DLGAP1: variants seen among roughly 807,000 people sequenced by gnomAD.
The protein encoded by DLGAP1 is DLG associated protein 1.
DLGAP1 carries 11 observed loss-of-function variants against 90.8 expected under a neutral mutation model. The observed-to-expected ratio is 0.12, with a 90% CI of 0.08 to 0.20. DLGAP1 has a LOEUF of 0.20. Ranked by LOEUF, DLGAP1 falls within the 10% of genes least tolerant of loss-of-function variation. The pLI is 1.00. For synonymous variants in DLGAP1, 558 were observed against 540.7 expected, an observed-to-expected ratio of 1.03 and a Z score of -0.44; for missense variants, 1,050 against 1,333.8, an observed-to-expected ratio of 0.79 and a Z score of 3.31.
chr18:3,651,547 C>T (rs911026541), intron 7 of DLGAP1, among the ~76,000 whole-genome samples: 5 of 152,328 alleles, frequency 3.3e-5, no homozygotes, highest in African/African-American at 1.2e-4. Context: ...AATTCCAGCA[C>T]TTTGGGAGGC....
chr18:4,434,151 C>T (rs907227312), intron 1 of DLGAP1, among the ~76,000 whole-genome samples: 6 of 141,544 alleles, frequency 4.2e-5, no homozygotes, highest in African/African-American at 7.6e-5. Flanking sequence ...TTCCTTACAC[C>T]GAAAATATTG....
At chr18:3,664,212 A>ACC (rs1439393968) in intron 7 of DLGAP1, among the ~76,000 whole-genome samples, 34 of 127,006 alleles carry the variant, frequency 2.7e-4, no homozygotes, top group African/African-American at 1.1e-3. Context: ...ACACACACAC[A>ACC]CACACCCACA....
chr18:3,568,586 A>G (rs969477888), intron 8 of DLGAP1, among the ~76,000 whole-genome samples: 1 of 152,142 alleles, frequency 6.6e-6, no homozygotes, highest in Non-Finnish European at 1.5e-5. Flanking sequence ...ACAGAAATAT[A>G]TAATGTAGAA....
intron 1 of DLGAP1, among the ~76,000 whole-genome samples, chr18:4,179,457 G>T (rs1349411250): frequency 2.6e-5 from 4 of 152,106 alleles, no homozygotes; most frequent in Admixed American, 6.5e-5. Context: ...TAGTCATGAT[G>T]CCTTTTGTTA....
At chr18:3,831,984 G>A (rs1159616105) in intron 4 of DLGAP1, among the ~76,000 whole-genome samples, 1 of 152,148 alleles carries the variant, frequency 6.6e-6, no homozygotes, top group East Asian at 1.9e-4. Context: ...AAGTGACATG[G>A]ATCTATACAA....
Position 3,981,380 on chromosome 18 carries a change from G to A in DLGAP1, c.-73+23736C>T, listed in dbSNP as rs116167492. 3.2e-3 allele frequency among the ~76,000 whole-genome samples: 492 copies of A among 152,356 alleles called. 2 individuals carry two copies. Among genetic ancestry groups the A allele is most frequent in the African/African-American group, 0.011 (470 of 41,596 alleles). ...CTGATGCTGCACTCTTGAGGCTTCC[G>A]TCCTCATCCCGACCCATGAGGATTC... On this transcript the variant is annotated intron_variant, in intron 3 of 12. Transcript: ENST00000315677.
intron 7 of DLGAP1, among the ~76,000 whole-genome samples, chr18:3,694,113 C>T (rs1248759037): frequency 6.6e-6 from 1 of 151,706 alleles, no homozygotes; most frequent in Non-Finnish European, 1.5e-5. Context: ...GTTCAACTCC[C>T]ACTTATGAGT....
At chr18:3,606,494 A>T (rs1015804188) in intron 7 of DLGAP1, 1 of 152,182 alleles carries the variant, frequency 6.6e-6, no homozygotes, top group Non-Finnish European at 1.5e-5. Context: ...ATAAGCCATC[A>T]TATGCATTTG....
At chr18:4,080,622 A>G (rs1006603195) in intron 2 of DLGAP1, among the ~76,000 whole-genome samples, 1 of 152,138 alleles carries the variant, frequency 6.6e-6, no homozygotes, top group African/African-American at 2.4e-5. Context: ...TAAAAGAAAC[A>G]TTTACCATCT....
intron 1 of DLGAP1, among the ~76,000 whole-genome samples, chr18:4,403,519 G>A (rs62087782): frequency 0.029 from 4,420 of 151,984 alleles, 90 homozygotes; most frequent in South Asian, 0.096. Context: ...GCAATATTTC[G>A]CCATGCATGC....
In DLGAP1 at chr18:3,725,450, G is replaced by A. The variant is rs149566230; in HGVS notation, c.1591+3685C>T. ...GGTCTGGGTGTATTTCCAGCATCAA[G>A]TTCTACTGTTACCTGAAATATTTTA... On this transcript the variant is annotated intron_variant, in intron 7 of 12. Transcript: ENST00000315677. 2.7e-3 allele frequency among the ~76,000 whole-genome samples: 407 copies of A among 152,182 alleles called. 1 individual carries two copies. The highest frequency in any genetic ancestry group is 8.4e-3 in the African/African-American group (350 of 41,510).
At chr18:4,360,136 A>T (rs2144090104) in intron 1 of DLGAP1, among the ~76,000 whole-genome samples, 1 of 152,272 alleles carries the variant, frequency 6.6e-6, no homozygotes, top group African/African-American at 2.4e-5. Context: ...TCCACTGGGC[A>T]CCATGGAATT....
At chr18:4,125,888 G>A (rs1272590497) in intron 2 of DLGAP1, among the ~76,000 whole-genome samples, 2 of 152,148 alleles carry the variant, frequency 1.3e-5, no homozygotes, top group Admixed American at 6.5e-5. Context: ...TGGCTGCTAC[G>A]AACATTTCCA....
intron 1 of DLGAP1, among the ~76,000 whole-genome samples, chr18:4,400,516 A>G (rs1196954640): frequency 6.6e-6 from 1 of 152,088 alleles, no homozygotes; most frequent in African/African-American, 2.4e-5. Flanking sequence ...TGTCCCATGT[A>G]TATTTTCACG....
intron 3 of DLGAP1, chr18:3,986,578 A>G (rs1048873631): frequency 3.9e-5 from 6 of 152,116 alleles, no homozygotes; most frequent in Non-Finnish European, 7.4e-5. Context: ...AATGGTCAAT[A>G]TCACCATGAG....
intron 1 of DLGAP1, among the ~76,000 whole-genome samples, chr18:4,257,877 G>A (rs1487186223): frequency 2.6e-5 from 4 of 151,544 alleles, no homozygotes; most frequent in South Asian, 2.1e-4. Flanking sequence ...CATCTGCCTC[G>A]GCTTCCCAAA....
Position 3,562,176 on chromosome 18 carries a change from G to A in DLGAP1, c.2057+5314C>T, listed in dbSNP as rs1252222418. Among the ~76,000 whole-genome samples the A allele has an allele frequency of 5.3e-5, 8 of 152,102 alleles. No homozygotes were observed. In the South Asian group the frequency reaches 8.3e-4, roughly 16 times the overall value. ...CAGGAGGCAGAGGTTGTAGTGAGCC[G>A]AAATCATGCCATTGCACTCCAGCCT... On this transcript the variant is annotated intron_variant, in intron 9 of 12. Coordinates refer to ENST00000315677, the MANE Select transcript of DLGAP1 (RefSeq NM_004746.4).
At chr18:4,033,442 A>G (rs999376231) in intron 2 of DLGAP1, among the ~76,000 whole-genome samples, 1 of 152,174 alleles carries the variant, frequency 6.6e-6, no homozygotes, top group African/African-American at 2.4e-5. Flanking sequence ...TTTATGTGTT[A>G]CCAAGGCTTG....
At chr18:3,539,489 CTCTG>C (rs568015477) in intron 9 of DLGAP1, among the ~76,000 whole-genome samples, 3 of 152,356 alleles carry the variant, frequency 2.0e-5, no homozygotes, top group Admixed American at 2.0e-4. Context: ...GAACACAATA[CTCTG>C]TCTGTTCTGA....
Sources: gnomAD v4.1 joint callset for allele counts (sites outside exome capture counted in the v4.1 genomes callset) on GRCh38, gnomAD v4.1.1 for gene constraint, MANE v1.5 for transcripts, NCBI Gene and HGNC (gene_info 2026-07-23, HGNC 2026-07-21) for gene names.